The following RSRC1 variants were observed in gnomAD, a reference collection of about 807,000 sequenced individuals.
RSRC1 encodes the protein serine/Arginine-related protein 53.
In RSRC1, 39 loss-of-function variants were observed where a neutral mutation model predicts 49.1. The ratio of observed to expected loss-of-function variants is 0.79; its 90% CI spans 0.61 to 1.04. RSRC1 has a LOEUF of 1.04. RSRC1 is among the 50% of genes least tolerant of loss of function. The probability of loss-of-function intolerance (pLI) is 0.00; values close to 1 mark genes in which losing one functional copy is unlikely to be tolerated. For missense variants in RSRC1, 388 were observed against 402.4 expected, an observed-to-expected ratio of 0.96 and a Z score of 0.31; for synonymous variants, 143 against 130.8, an observed-to-expected ratio of 1.09 and a Z score of -0.63.
At chr3:158,542,386 C>G (rs1175707157) in intron 8 of RSRC1, among the ~76,000 whole-genome samples, 2 of 152,072 alleles carry the variant, frequency 1.3e-5, no homozygotes, top group Admixed American at 1.3e-4. Context: ...CAAAAATTAG[C>G]CGAGTGTGCA....
rs531752143 is a variant in RSRC1 at position 158,401,810 on chromosome 3, G to A, written c.583+46902G>A. Among the ~76,000 whole-genome samples, 20 of 152,008 alleles carry A rather than the reference G, an allele frequency of 1.3e-4. No individual in the cohort carries two copies. The South Asian group carries it at 4.2e-3, about 32-fold the overall frequency. On this transcript the variant is annotated intron_variant, in intron 6 of 9. Coordinates refer to ENST00000611884, the MANE Select transcript of RSRC1 (RefSeq NM_001271838.2). ...CCAGTTCACAGAAACAAATTACCTT[G>A]AATTTCAGTTCAAATAAAATCATGG... is the stretch of plus-strand genomic sequence containing the variant.
chr3:158,522,377 G>C (rs1414368087), intron 7 of RSRC1, among the ~76,000 whole-genome samples: 1 of 151,954 alleles, frequency 6.6e-6, no homozygotes, highest in Non-Finnish European at 1.5e-5. Flanking sequence ...CACAATCACG[G>C]CTCACTGCAG....
At chr3:158,413,443 A>G (rs1174348960) in intron 6 of RSRC1, among the ~76,000 whole-genome samples, 1 of 152,154 alleles carries the variant, frequency 6.6e-6, no homozygotes, top group Non-Finnish European at 1.5e-5. Flanking sequence ...AGATTTTATG[A>G]CAAAAATGTC....
intron 7 of RSRC1, among the ~76,000 whole-genome samples, chr3:158,528,348 T>C (rs1712172031): frequency 6.6e-6 from 1 of 152,002 alleles, no homozygotes; most frequent in South Asian, 2.1e-4. Context: ...TGATGGCTAG[T>C]GGCTTGATTA....
chr3:158,343,652 A>G (rs1000390361), intron 5 of RSRC1, among the ~76,000 whole-genome samples: 1 of 152,222 alleles, frequency 6.6e-6, no homozygotes, highest in Non-Finnish European at 1.5e-5. Flanking sequence ...ACAAAATTCT[A>G]GACACGAAGG....
intron 7 of RSRC1, among the ~76,000 whole-genome samples, chr3:158,479,110 A>C (rs1156937637): frequency 1.3e-5 from 2 of 151,216 alleles, no homozygotes; most frequent in African/African-American, 4.8e-5. Context: ...TAATGAGAGC[A>C]TACCAAATAA....
At chr3:158,119,736 A>G (rs1316192238) in intron 1 of RSRC1, among the ~76,000 whole-genome samples, 1 of 151,900 alleles carries the variant, frequency 6.6e-6, no homozygotes, top group Non-Finnish European at 1.5e-5. Context: ...ATGTATGTAC[A>G]GATATACCTT....
chr3:158,481,847 A>G (rs1271257412), intron 7 of RSRC1, among the ~76,000 whole-genome samples: 1 of 152,044 alleles, frequency 6.6e-6, no homozygotes, highest in East Asian at 1.9e-4. Context: ...TTTAAATGAT[A>G]ATAATGTGGG....
chr3:158,271,207 C>T (rs1266252965), intron 4 of RSRC1, among the ~76,000 whole-genome samples: 2 of 152,082 alleles, frequency 1.3e-5, no homozygotes, highest in Admixed American at 1.3e-4. Context: ...TTTTACAAAT[C>T]CACATTTTCC....
intron 3 of RSRC1, among the ~76,000 whole-genome samples, chr3:158,150,518 T>A (rs1717456919): frequency 6.6e-6 from 1 of 152,218 alleles, no homozygotes; most frequent in Non-Finnish European, 1.5e-5. Flanking sequence ...CTTCATTTAA[T>A]AAGCTGTCTG....
Position 158,299,601 on chromosome 3 carries a change from G to A in RSRC1, c.531+1526G>A, listed in dbSNP as rs1057158964. 9.2e-5 allele frequency among the ~76,000 whole-genome samples: 14 copies of A among 152,224 alleles called. No homozygotes were observed. The East Asian group carries it at 2.5e-3, about 27-fold the overall frequency. On this transcript the variant is annotated intron_variant, in intron 5 of 9. Coordinates refer to ENST00000611884, the MANE Select transcript of RSRC1 (RefSeq NM_001271838.2). ...TCCACCCGCCTCAGCCTCCCAAAAT[G>A]CTGGAATTACAGGCGTGAGCCACCT...
chr3:158,262,685 G>A (rs1473414205), intron 4 of RSRC1, among the ~76,000 whole-genome samples: 2 of 151,914 alleles, frequency 1.3e-5, no homozygotes, highest in East Asian at 3.9e-4. Context: ...GACTCTTTTA[G>A]CGCAGTAACA....
At chr3:158,153,454 C>A (rs4680418) in intron 3 of RSRC1, among the ~76,000 whole-genome samples, 96,107 of 152,076 alleles carry the variant, frequency 0.63, 30,981 homozygotes, top group African/African-American at 0.73. Flanking sequence ...AATGTTTCTG[C>A]TGTAACTAAA....
intron 6 of RSRC1, among the ~76,000 whole-genome samples, chr3:158,369,699 T>G (rs2108264855): frequency 6.6e-6 from 1 of 152,252 alleles, no homozygotes; most frequent in East Asian, 1.9e-4. Flanking sequence ...GTAATGTTTA[T>G]TCAGTATTAA....
At chr3:158,532,481 C>T (rs1338525453) in intron 7 of RSRC1, among the ~76,000 whole-genome samples, 1 of 151,794 alleles carries the variant, frequency 6.6e-6, no homozygotes, top group African/African-American at 2.4e-5. Flanking sequence ...TAAAAGAAAA[C>T]TCTGTGTTAT....
At chr3:158,437,261 T>C (rs538328250) in intron 6 of RSRC1, among the ~76,000 whole-genome samples, 49 of 152,238 alleles carry the variant, frequency 3.2e-4, no homozygotes, top group African/African-American at 1.1e-3. Flanking sequence ...TGTTTTCACC[T>C]ATTATAGCTT....
At chr3:158,436,489 C>A (rs138697213) in intron 6 of RSRC1, among the ~76,000 whole-genome samples, 2 of 152,030 alleles carry the variant, frequency 1.3e-5, no homozygotes, top group East Asian at 1.9e-4. Flanking sequence ...TGTGCCCACA[C>A]GTGCATGCAT....
intron 7 of RSRC1, among the ~76,000 whole-genome samples, chr3:158,512,171 A>G (rs1243385949): frequency 6.7e-6 from 1 of 148,412 alleles, no homozygotes; most frequent in Non-Finnish European, 1.5e-5. Flanking sequence ...TTGGTGTTTT[A>G]GACATGAAGT....
chr3:158,187,780 A>G (rs73874320), intron 3 of RSRC1, among the ~76,000 whole-genome samples: 11,616 of 151,960 alleles, frequency 0.076, 535 homozygotes, highest in South Asian at 0.13. Context: ...GAATGTTTAT[A>G]TTTTCCCCCC....
Sources: gnomAD v4.1 joint callset for allele counts (sites outside exome capture counted in the v4.1 genomes callset) on GRCh38, gnomAD v4.1.1 for gene constraint, MANE v1.5 for transcripts, NCBI Gene and HGNC (gene_info 2026-07-23, HGNC 2026-07-21) for gene names.